Variants in PCDH15 observed in about 807,000 individuals in gnomAD.
PCDH15 encodes protocadherin-15.
Under a neutral mutation model 178.5 loss-of-function variants are expected in PCDH15, and 129 were observed. That is an observed-to-expected ratio of 0.72 (90% CI 0.63 to 0.84). The LOEUF is 0.84. Among genes scored for constraint, PCDH15 ranks in the 40% least tolerant of loss-of-function variants. The pLI, the probability that PCDH15 is intolerant of heterozygous loss-of-function variation, is 0.00. For missense variants in PCDH15, 2,230 were observed against 2,099.9 expected, an observed-to-expected ratio of 1.06 and a Z score of -1.21; for synonymous variants, 800 against 732.0, an observed-to-expected ratio of 1.09 and a Z score of -1.50.
chr10:54,167,482 T>C (rs955889268), intron 13 of PCDH15, among the ~76,000 whole-genome samples: 1 of 152,102 alleles, frequency 6.6e-6, no homozygotes, highest in African/African-American at 2.4e-5. Context: ...TGTTTAATCA[T>C]TGCAGGGACG....
At chr10:55,295,985 G>A (rs868391504) in intron 1 of PCDH15, among the ~76,000 whole-genome samples, 1 of 152,074 alleles carries the variant, frequency 6.6e-6, no homozygotes, top group African/African-American at 2.4e-5. Flanking sequence ...GTAAATTAGG[G>A]GTTCCCACAA....
chr10:54,790,133 T>C (rs182265008), intron 1 of PCDH15, among the ~76,000 whole-genome samples: 1 of 151,990 alleles, frequency 6.6e-6, no homozygotes. Context: ...GATTTTATTT[T>C]CTGAAGAAAT....
At chr10:54,732,621 T>C (rs1943564451) in intron 1 of PCDH15, among the ~76,000 whole-genome samples, 1 of 151,500 alleles carries the variant, frequency 6.6e-6, no homozygotes, top group Admixed American at 6.6e-5. Flanking sequence ...GAAGAAGGAA[T>C]TTTAACAATT....
At chr10:54,105,359 C>T (rs2094899528) in intron 15 of PCDH15, among the ~76,000 whole-genome samples, 1 of 146,218 alleles carries the variant, frequency 6.8e-6, no homozygotes, top group Non-Finnish European at 1.5e-5. Flanking sequence ...CACACACATA[C>T]ACAAAACTAA....
Position 54,195,870 on chromosome 10 carries a change from T to C in PCDH15, c.1118A>G (p.His373Arg). The change falls in exon 11 of 38, where the codon CAT becomes CGT. Residue 373 changes from histidine to arginine, a missense_variant. Coordinates refer to ENST00000644397, the MANE Select transcript of PCDH15 (RefSeq NM_001384140.1). Reference sequence around the variant, plus strand: ...TAGACCGGCAAAGGCAGGAAGAGGATGACCATTGTCTTGTTCAGCCTAAAA... The same window carrying C: ...TAGACCGGCAAAGGCAGGAAGAGGACGACCATTGTCTTGTTCAGCCTAAAA... ...LVIKAEQDNG[H>R]PLPAFAGLHI... The C allele has an allele frequency of 6.2e-7, 1 of 1,613,830 alleles. No individual in the cohort carries two copies. The highest frequency in any genetic ancestry group is 8.5e-7 in the Non-Finnish European group (1 of 1,179,762).
At chr10:55,475,144 T>C (rs1197954492) in intron 2 of PCDH15, among the ~76,000 whole-genome samples, 1 of 152,002 alleles carries the variant, frequency 6.6e-6, no homozygotes, top group Non-Finnish European at 1.5e-5. Flanking sequence ...CAGGCTCTTT[T>C]TAACAATCAA....
At chr10:55,344,795 G>A (rs369686220) in intron 2 of PCDH15, among the ~76,000 whole-genome samples, 28 of 152,036 alleles carry the variant, frequency 1.8e-4, no homozygotes, top group Admixed American at 3.9e-4. Flanking sequence ...TTGGATTTAC[G>A]GTTCTGTGAC....
intron 2 of PCDH15, among the ~76,000 whole-genome samples, chr10:54,920,350 G>GT (rs921910110): frequency 4.6e-5 from 7 of 151,210 alleles, no homozygotes; most frequent in South Asian, 4.2e-4. Flanking sequence ...GGCACCTGTA[G>GT]TCCCAGCTAC....
At chr10:53,854,040 C>T (rs1263035321) in intron 28 of PCDH15, among the ~76,000 whole-genome samples, 5 of 151,886 alleles carry the variant, frequency 3.3e-5, no homozygotes, top group East Asian at 1.9e-4. Context: ...AACAGATGAA[C>T]AGAATGTGGT....
intron 1 of PCDH15, among the ~76,000 whole-genome samples, chr10:55,208,349 G>C (rs1360442550): frequency 6.6e-6 from 1 of 151,958 alleles, no homozygotes; most frequent in Non-Finnish European, 1.5e-5. Flanking sequence ...CCACAAGTAT[G>C]ATCTTGTAAA....
intron 2 of PCDH15, among the ~76,000 whole-genome samples, chr10:55,140,021 T>C (rs1311614506): frequency 1.3e-5 from 2 of 151,968 alleles, no homozygotes; most frequent in East Asian, 3.9e-4. Flanking sequence ...AGAATTTTCT[T>C]AGAATGATTT....
At chr10:54,361,823 T>A (rs995518080) in intron 5 of PCDH15, among the ~76,000 whole-genome samples, 1 of 152,126 alleles carries the variant, frequency 6.6e-6, no homozygotes, top group African/African-American at 2.4e-5. Context: ...ATTTTCAAAA[T>A]CGCATGGAAT....
Position 54,009,012 on chromosome 10 carries a change from A to G in PCDH15, c.2751+11180T>C, listed in dbSNP as rs11598426. Among the ~76,000 whole-genome samples, 548 of 152,290 alleles carry G rather than the reference A, an allele frequency of 3.6e-3. 1 individual carries two copies. The highest frequency in any genetic ancestry group is 6.2e-3 in the Non-Finnish European group (423 of 68,014). On this transcript the variant is annotated intron_variant, in intron 20 of 37. Coordinates refer to ENST00000644397, the MANE Select transcript of PCDH15 (RefSeq NM_001384140.1). ...TAACACAATAGTGTGACAAAATCAT[A>G]TTTCAAAATACAATACAATCAAAGC...
intron 1 of PCDH15, among the ~76,000 whole-genome samples, chr10:54,697,693 A>AAGGGAGGGAGGG (rs1212509695): frequency 1.1e-5 from 1 of 92,182 alleles, no homozygotes; most frequent in Non-Finnish European, 2.3e-5. Flanking sequence ...GGAAGGGAGG[A>AAGGGAGGGAGGG]AGGGAGGAAG....
intron 2 of PCDH15, among the ~76,000 whole-genome samples, chr10:55,544,141 T>TATAC (rs1841826463): frequency 3.7e-5 from 2 of 53,776 alleles, no homozygotes; most frequent in African/African-American, 5.5e-5. Context: ...TATACATACA[T>TATAC]ATATATATAT....
intron 15 of PCDH15, among the ~76,000 whole-genome samples, chr10:54,124,633 G>T (rs76518809): frequency 0.02 from 2,976 of 152,248 alleles, 35 homozygotes; most frequent in South Asian, 0.033. Flanking sequence ...AATATCCAAA[G>T]TAATCCTTGT....
At chr10:54,705,671 A>G (rs757238392) in intron 1 of PCDH15, among the ~76,000 whole-genome samples, 3 of 152,164 alleles carry the variant, frequency 2.0e-5, no homozygotes, top group Non-Finnish European at 4.4e-5. Context: ...TTCTTCTAGA[A>G]CAGTGATTTG....
intron 2 of PCDH15, among the ~76,000 whole-genome samples, chr10:55,364,825 C>A (rs1845315086): frequency 6.6e-6 from 1 of 152,074 alleles, no homozygotes; most frequent in South Asian, 2.1e-4. Context: ...CAAGTTCACA[C>A]ATTCTGCCCT....
chr10:54,062,783 A>T (rs979235843), intron 18 of PCDH15, among the ~76,000 whole-genome samples: 1 of 148,112 alleles, frequency 6.8e-6, no homozygotes, highest in African/African-American at 2.5e-5. Flanking sequence ...GAAAAAAAAA[A>T]TAAGAAAAAA....
Sources: gnomAD v4.1 joint callset for allele counts (sites outside exome capture counted in the v4.1 genomes callset) on GRCh38, gnomAD v4.1.1 for gene constraint, MANE v1.5 for transcripts, NCBI Gene and HGNC (gene_info 2026-07-23, HGNC 2026-07-21) for gene names.